TMEM178B: variants seen among roughly 807,000 people sequenced by gnomAD.
The protein encoded by TMEM178B is transmembrane protein 178B.
TMEM178B carries 5 observed loss-of-function variants against 31.0 expected under a neutral mutation model. That is an observed-to-expected ratio of 0.16 (90% CI 0.08 to 0.34). The LOEUF (loss-of-function observed/expected upper bound fraction) is 0.34, where lower values mean the gene tolerates loss of function less well. Ranked by LOEUF, TMEM178B falls within the 10% of genes least tolerant of loss-of-function variation. The pLI is 1.00. For synonymous variants in TMEM178B, 164 were observed against 164.0 expected (o/e 1.00, Z 0.00); for missense variants, 275 against 400.3 (o/e 0.69, Z 2.67).
At chr7:141,481,550 G>A (rs1013762126), downstream of TMEM178B, among the ~76,000 whole-genome samples, 1 of 152,172 alleles carries the variant, frequency 6.6e-6, no homozygotes, top group African/African-American at 2.4e-5. Context: ...ACAGTGCTGG[G>A]CCTTGCACAA....
intron 2 of TMEM178B, among the ~76,000 whole-genome samples, chr7:141,351,290 C>T (rs1563159388): frequency 6.6e-6 from 1 of 152,266 alleles, no homozygotes; most frequent in Non-Finnish European, 1.5e-5. Context: ...CTCAGCTGGG[C>T]AGTCCTTCTC....
chr7:141,094,556 G>T (rs1794928797), intron 1 of TMEM178B, among the ~76,000 whole-genome samples: 1 of 152,150 alleles, frequency 6.6e-6, no homozygotes, highest in African/African-American at 2.4e-5. Context: ...AGACATTTTG[G>T]CCTCAGTTAG....
chr7:141,357,689 T>A (rs574275659), intron 2 of TMEM178B, among the ~76,000 whole-genome samples: 9 of 152,368 alleles, frequency 5.9e-5, no homozygotes, highest in Non-Finnish European at 1.0e-4. Context: ...CTACTTCGAA[T>A]TTATGGAATT....
intron 1 of TMEM178B, among the ~76,000 whole-genome samples, chr7:141,110,799 A>G (rs1795222709): frequency 1.3e-5 from 2 of 152,206 alleles, no homozygotes; most frequent in Non-Finnish European, 2.9e-5. Flanking sequence ...TTGAGATTAA[A>G]TGAGGTTGTA....
chr7:141,401,925 C>T (rs971941190), intron 2 of TMEM178B, among the ~76,000 whole-genome samples: 3 of 152,216 alleles, frequency 2.0e-5, no homozygotes, highest in African/African-American at 7.2e-5. Context: ...ACCCCTCCCA[C>T]AGCACTATAG....
intron 1 of TMEM178B, among the ~76,000 whole-genome samples, chr7:141,121,101 T>C (rs186242938): frequency 3.4e-4 from 52 of 152,310 alleles, no homozygotes; most frequent in African/African-American, 1.2e-3. Flanking sequence ...TTCCCTCTTA[T>C]TTTCTTAATA....
intron 2 of TMEM178B, among the ~76,000 whole-genome samples, chr7:141,405,756 A>T (rs1800874806): frequency 6.6e-6 from 1 of 152,186 alleles, no homozygotes; most frequent in African/African-American, 2.4e-5. Context: ...AGGAGGAGGC[A>T]GGGGCCTTGA....
chr7:141,138,047 T>A (rs1188959902), intron 1 of TMEM178B, among the ~76,000 whole-genome samples: 2 of 151,620 alleles, frequency 1.3e-5, no homozygotes, highest in Non-Finnish European at 2.9e-5. Flanking sequence ...TTTCATGAGA[T>A]CTCTTTTAAA....
chr7:141,260,486 C>A (rs112084976), intron 2 of TMEM178B, among the ~76,000 whole-genome samples: 2,695 of 152,288 alleles, frequency 0.018, 80 homozygotes, highest in African/African-American at 0.062. Context: ...TTCTCACCAC[C>A]ATTCCAGAAG....
chr7:141,412,746 G>C (rs150635822), intron 2 of TMEM178B, among the ~76,000 whole-genome samples: 2 of 152,266 alleles, frequency 1.3e-5, no homozygotes, highest in East Asian at 3.9e-4. Flanking sequence ...GATCACCTTT[G>C]TGGAGCACAT....
rs771120162 is a variant in TMEM178B at position 141,215,908 on chromosome 7, CTTTCT to C, written c.496+3208_496+3212del. Among the ~76,000 whole-genome samples the C allele has an allele frequency of 7.3e-4, 84 of 115,720 alleles. 5 individuals carry two copies. The highest frequency in any genetic ancestry group is 1.1e-3 in the Admixed American group (12 of 11,070). 75.9% of individuals were successfully genotyped at this position (115,720 alleles called of 152,430 possible). On this transcript the variant is annotated intron_variant, in intron 2 of 3. Transcript: ENST00000565468. ...CCTTCCTTTCCTTCTTTCTTTCTTT[CTTTCT>C]TTTTTTTTTTTTGACAGAGTCTTGT...
chr7:141,403,878 A>G (rs79435282), intron 2 of TMEM178B, among the ~76,000 whole-genome samples: 3,475 of 152,324 alleles, frequency 0.023, 51 homozygotes, highest in Middle Eastern at 0.037. Context: ...TGTCCCCTGC[A>G]GTTCAGAAAG....
intron 2 of TMEM178B, among the ~76,000 whole-genome samples, chr7:141,283,688 A>T (rs1475078431): frequency 2.6e-5 from 4 of 152,186 alleles, no homozygotes; most frequent in South Asian, 2.1e-4. Context: ...TCAGCACATA[A>T]GCTTTCTTAC....
At chr7:141,107,269 C>T (rs1795162349) in intron 1 of TMEM178B, among the ~76,000 whole-genome samples, 1 of 152,134 alleles carries the variant, frequency 6.6e-6, no homozygotes, top group Admixed American at 6.5e-5. Flanking sequence ...GGCTTTTACT[C>T]TGAGATGAGA....
intron 2 of TMEM178B, among the ~76,000 whole-genome samples, chr7:141,284,681 A>G (rs909911129): frequency 2.0e-5 from 3 of 152,186 alleles, no homozygotes; most frequent in Non-Finnish European, 2.9e-5. Flanking sequence ...TTAGGATGGA[A>G]CAATACAAGG....
rs1448783177 is a variant in TMEM178B, at chr7:141,478,014, A to C, written c.*7228A>C. On this transcript the variant is annotated 3_prime_UTR_variant, in exon 4 of 4. Coordinates refer to ENST00000565468, the MANE Select transcript of TMEM178B (RefSeq NM_001195278.2). Reference sequence around the variant, plus strand: ...AGGAGAAAGAGCATCCAAGGAGATGATGTGTGAATTGCTTTGTAATTTATG... The same window carrying C: ...AGGAGAAAGAGCATCCAAGGAGATGCTGTGTGAATTGCTTTGTAATTTATG... The C allele has an allele frequency of 6.6e-6, 1 of 152,430 alleles. No individual in the cohort carries two copies. Among genetic ancestry groups the C allele is most frequent in the Non-Finnish European group, 1.5e-5 (1 of 68,140 alleles). The allele number at this position is 152,430 out of a possible 1,614,324, so 9.4% of individuals were successfully genotyped here.
the TMEM178B span, among the ~76,000 whole-genome samples, chr7:141,503,085 C>T: frequency 2.0e-5 from 3 of 152,162 alleles, no homozygotes; most frequent in African/African-American, 7.2e-5. Context: ...CTCTATCTGG[C>T]AGTTAGCAGA....
chr7:141,222,676 C>G (rs1797275086), intron 2 of TMEM178B, among the ~76,000 whole-genome samples: 1 of 152,098 alleles, frequency 6.6e-6, no homozygotes, highest in Non-Finnish European at 1.5e-5. Context: ...CTGTTTGACT[C>G]TGTGCAACCT....
At chr7:141,339,001 G>A (rs1355415512) in intron 2 of TMEM178B, among the ~76,000 whole-genome samples, 1 of 152,182 alleles carries the variant, frequency 6.6e-6, no homozygotes, top group Non-Finnish European at 1.5e-5. Context: ...GGACTTCCAT[G>A]GCGGGTGTTG....
Sources: allele counts gnomAD v4.1 joint callset (sites outside exome capture counted in the v4.1 genomes callset), GRCh38; gene constraint gnomAD v4.1.1; transcripts MANE v1.5; gene names NCBI Gene and HGNC (gene_info 2026-07-23, HGNC 2026-07-21).